Variants in GTF2IRD1 observed in about 807,000 individuals in gnomAD.
GTF2IRD1 encodes GTF2I repeat domain containing 1, also known as general transcription factor II-I repeat domain-containing protein 1.
GTF2IRD1 carries 26 observed loss-of-function variants against 113.2 expected under a neutral mutation model. That is an observed-to-expected ratio of 0.23 (90% CI 0.17 to 0.32). The LOEUF (loss-of-function observed/expected upper bound fraction) is 0.32. Among genes scored for constraint, GTF2IRD1 ranks in the 10% least tolerant of loss-of-function variants. The pLI is 1.00. For synonymous variants in GTF2IRD1, 484 were observed against 529.1 expected (o/e 0.91, Z 1.17); for missense variants, 864 against 1,280.8 (o/e 0.67, Z 4.97).
intron 22 of GTF2IRD1, among the ~76,000 whole-genome samples, chr7:74,563,416 A>C (rs1452709075): frequency 6.6e-6 from 1 of 151,922 alleles, no homozygotes; most frequent in Admixed American, 6.6e-5. Flanking sequence ...CGTCTCTACT[A>C]AAAATAAAAA....
chr7:74,464,820 C>T lies in GTF2IRD1; in HGVS notation c.-7+10644C>T, dbSNP rs143385168. ...TGTGGCCCCTCTCTAATGAAGGTTG[C>T]CCCAAGTACCTTTCCCCTGTACCCC... On this transcript the variant is annotated intron_variant, in intron 1 of 26. Coordinates refer to ENST00000424337, the MANE Select transcript of GTF2IRD1 (RefSeq NM_005685.4). 6.0e-3 allele frequency among the ~76,000 whole-genome samples: 913 copies of T among 152,214 alleles called. 8 individuals carry two copies. Among genetic ancestry groups the T allele is most frequent in the African/African-American group, 0.02 (845 of 41,538 alleles).
intron 22 of GTF2IRD1, among the ~76,000 whole-genome samples, chr7:74,569,387 G>A (rs1554361888): frequency 1.3e-5 from 2 of 152,186 alleles, no homozygotes; most frequent in African/African-American, 4.8e-5. Context: ...CAAAAATCAG[G>A]TAGTTAGCAT....
intron 16 of GTF2IRD1, among the ~76,000 whole-genome samples, chr7:74,546,223 T>TC (rs199662235): frequency 1.8e-4 from 27 of 147,488 alleles, no homozygotes; most frequent in South Asian, 2.2e-4. Context: ...TTTTTCTTTT[T>TC]TTTTTTTTTT....
chr7:74,563,846 A>G (rs587653415), intron 22 of GTF2IRD1, among the ~76,000 whole-genome samples: 18 of 151,680 alleles, frequency 1.2e-4, no homozygotes, highest in African/African-American at 3.4e-4. Context: ...AGATTGTGCA[A>G]CTGCACTCCA....
At chr7:74,585,267 A>G (rs1234944282) in intron 22 of GTF2IRD1, among the ~76,000 whole-genome samples, 1 of 147,384 alleles carries the variant, frequency 6.8e-6, no homozygotes, top group African/African-American at 2.5e-5. Context: ...ATGCACCACC[A>G]CGCCCAGCTA....
chr7:74,474,065 A>G (rs1554333025), intron 1 of GTF2IRD1, among the ~76,000 whole-genome samples: 4 of 111,460 alleles, frequency 3.6e-5, no homozygotes, highest in African/African-American at 1.2e-4. Context: ...CTCTACTAAA[A>G]ATACAAAAAA....
At chr7:74,573,027 C>T (rs1436190170) in intron 22 of GTF2IRD1, among the ~76,000 whole-genome samples, 2 of 152,032 alleles carry the variant, frequency 1.3e-5, no homozygotes, top group Admixed American at 6.6e-5. Context: ...CTGGTGGGGA[C>T]TTAGCTGGGG....
At chr7:74,557,366 C>T (rs1554357336) in intron 19 of GTF2IRD1, among the ~76,000 whole-genome samples, 1 of 152,196 alleles carries the variant, frequency 6.6e-6, no homozygotes, top group Admixed American at 6.5e-5. Context: ...GTGTCCCTCC[C>T]CTCCGGGGCT....
chr7:74,454,038 C>T lies in GTF2IRD1; in HGVS notation c.-145C>T, dbSNP rs1554326417. 6.6e-6 allele frequency: 1 copy of T among 150,574 alleles called. No individual in the cohort carries two copies. Among genetic ancestry groups the T allele is most frequent in the Non-Finnish European group, 1.5e-5 (1 of 67,334 alleles). The allele number at this position is 150,574 out of a possible 1,614,324, so 9.3% of individuals were successfully genotyped here. ...CGCGCCTCCCTCCCCGCCCTCGCCG[C>T]GCCGCCGTCCTCGCCTCCCTCTGCC... On this transcript the variant is annotated 5_prime_UTR_variant, in exon 1 of 27. Coordinates refer to ENST00000424337, the MANE Select transcript of GTF2IRD1 (RefSeq NM_005685.4).
chr7:74,565,050 C>T (rs1375328919), intron 22 of GTF2IRD1, among the ~76,000 whole-genome samples: 2 of 70,278 alleles, frequency 2.8e-5, no homozygotes, highest in African/African-American at 6.1e-5. Context: ...TGGGGGGCCT[C>T]GGGTTGCAGA....
rs1280363595 is a variant in GTF2IRD1 at position 74,559,795 on chromosome 7, T to C, written c.2320+140T>C. ...GGCCCCTGCCTTTCTTTTTTTTTTT[T>C]CTGAGGCAGAGTCCTTCTCTGTCAC... is the stretch of plus-strand genomic sequence containing the variant. On this transcript the variant is annotated intron_variant, in intron 22 of 26. Transcript: ENST00000424337. 1.1e-5 allele frequency: 7 copies of C among 619,536 alleles called. No homozygotes were observed. In the Admixed American group the frequency reaches 1.6e-4, roughly 14 times the overall value. 38.4% of individuals were successfully genotyped at this position (619,536 alleles called of 1,614,324 possible). A position where few individuals can be genotyped will look rare whatever the true frequency, so the allele number is the denominator to read the frequency against.
Position 74,521,272 on chromosome 7 carries a change from C to T in GTF2IRD1, c.981C>T (p.Leu327=). ...IQNVHASKRI[L]FSIVHDKSEK... ...ACGTCCATGCCTCCAAGCGCATTCT[C>T]TTCTCCATCGTCCATGACAAGTCAG... is the stretch of plus-strand genomic sequence containing the variant. The change falls in exon 7 of 27, where the codon CTC becomes CTT. Residue 327 remains leucine, a synonymous_variant. Transcript: ENST00000424337. 6.2e-7 allele frequency: 1 copy of T among 1,610,864 alleles called. No homozygotes were observed.
intron 2 of GTF2IRD1, among the ~76,000 whole-genome samples, chr7:74,508,812 C>T (rs1796451739): frequency 6.6e-6 from 1 of 152,152 alleles, no homozygotes; most frequent in South Asian, 2.1e-4. Context: ...ATGCCTATCT[C>T]CTAGCAGGTG....
Position 74,508,216 on chromosome 7 carries a change from A to G in GTF2IRD1, c.123+13A>G, listed in dbSNP as rs1562815204. ...CTTAGACTCCATGGTGAGTGTCCCC[A>G]CCCACCCAAGAGGAGGGGACAGGGT... On this transcript the variant is annotated intron_variant, in intron 2 of 26. Transcript: ENST00000424337. 3 of 1,609,138 alleles carry G rather than the reference A, an allele frequency of 1.9e-6. No homozygotes were observed. The South Asian group carries it at 3.3e-5, about 18-fold the overall frequency.
At chr7:74,477,345 C>G (rs1794475961) in intron 1 of GTF2IRD1, among the ~76,000 whole-genome samples, 1 of 108,984 alleles carries the variant, frequency 9.2e-6, no homozygotes. Flanking sequence ...GCCTGGGCGA[C>G]AGTTTTTTTT....
chr7:74,554,972 G>A (rs1554356246), intron 17 of GTF2IRD1, among the ~76,000 whole-genome samples: 1 of 152,110 alleles, frequency 6.6e-6, no homozygotes, highest in Non-Finnish European at 1.5e-5. Flanking sequence ...ACTGGGGGGG[G>A]TCTCACTCCC....
At chr7:74,535,249 G>A (rs1798226701) in intron 10 of GTF2IRD1, 111 bp downstream of exon 10, 1 of 828,378 alleles carries the variant, frequency 1.2e-6, no homozygotes, top group Non-Finnish European at 2.1e-6. Flanking sequence ...CCTCAGGCAG[G>A]GAGGGAGGCT....
At chr7:74,568,607 C>T (rs587689823) in intron 22 of GTF2IRD1, among the ~76,000 whole-genome samples, 2 of 152,134 alleles carry the variant, frequency 1.3e-5, no homozygotes, top group Admixed American at 6.6e-5. Context: ...GAGATTGTGC[C>T]ACTGCACTCC....
chr7:74,455,740 C>T (rs1007208768), intron 1 of GTF2IRD1, among the ~76,000 whole-genome samples: 4 of 152,142 alleles, frequency 2.6e-5, no homozygotes, highest in Non-Finnish European at 5.9e-5. Context: ...CCCCATCCTG[C>T]CTCTGGGGTG....
Sources: gnomAD v4.1 joint callset for allele counts (sites outside exome capture counted in the v4.1 genomes callset) on GRCh38, gnomAD v4.1.1 for gene constraint, MANE v1.5 for transcripts, NCBI Gene and HGNC (gene_info 2026-07-23, HGNC 2026-07-21) for gene names.